CDH18: variants seen among roughly 807,000 people sequenced by gnomAD.
CDH18 encodes the protein cadherin 18.
Under a neutral mutation model 67.9 loss-of-function variants are expected in CDH18, and 31 were observed. That is an observed-to-expected ratio of 0.46 (90% CI 0.34 to 0.62). The LOEUF (loss-of-function observed/expected upper bound fraction) is 0.62, where lower values mean the gene tolerates loss of function less well. Ranked by LOEUF, CDH18 falls within the 20% of genes least tolerant of loss-of-function variation. The pLI is 0.01. For missense variants in CDH18, 890 were observed against 975.5 expected, an observed-to-expected ratio of 0.91 and a Z score of 1.17; for synonymous variants, 362 against 347.2, an observed-to-expected ratio of 1.04 and a Z score of -0.48.
intron 3 of CDH18, among the ~76,000 whole-genome samples, chr5:19,778,052 T>C (rs909910405): frequency 2.0e-5 from 3 of 152,146 alleles, no homozygotes; most frequent in Non-Finnish European, 4.4e-5. Flanking sequence ...AAAGATAACC[T>C]GAATAGCCCT....
chr5:20,267,074 T>C (rs1745097950), intron 1 of CDH18, among the ~76,000 whole-genome samples: 2 of 152,164 alleles, frequency 1.3e-5, no homozygotes, highest in Non-Finnish European at 2.9e-5. Context: ...AGACAATAAA[T>C]AAGGCAGTAT....
At chr5:20,461,647 G>T (rs1273831915) in intron 1 of CDH18, among the ~76,000 whole-genome samples, 3 of 151,934 alleles carry the variant, frequency 2.0e-5, no homozygotes, top group Admixed American at 2.0e-4. Flanking sequence ...TTACTTTGGG[G>T]CAAGAGGAAG....
chr5:19,969,438 C>G (rs1391871708), intron 2 of CDH18, among the ~76,000 whole-genome samples: 1 of 150,448 alleles, frequency 6.6e-6, no homozygotes. Flanking sequence ...AGACTTGGAA[C>G]CAACCCAAAT....
chr5:20,092,414 G>A (rs1745523134), intron 2 of CDH18, among the ~76,000 whole-genome samples: 1 of 152,042 alleles, frequency 6.6e-6, no homozygotes, highest in Non-Finnish European at 1.5e-5. Context: ...GTCCCGACAG[G>A]TTAGCTGAAA....
chr5:20,417,664 A>C (rs1005372664), intron 1 of CDH18, among the ~76,000 whole-genome samples: 1 of 152,188 alleles, frequency 6.6e-6, no homozygotes, highest in Non-Finnish European at 1.5e-5. Context: ...AATTGAAGAC[A>C]GTTAGAGAAG....
At chr5:20,030,728 A>C (rs1355410354) in intron 2 of CDH18, among the ~76,000 whole-genome samples, 2 of 152,206 alleles carry the variant, frequency 1.3e-5, no homozygotes, top group African/African-American at 4.8e-5. Flanking sequence ...ATCCCAATGA[A>C]GGTTGTATAA....
At chr5:20,412,230 C>T (rs1446969818) in intron 1 of CDH18, among the ~76,000 whole-genome samples, 5 of 152,130 alleles carry the variant, frequency 3.3e-5, no homozygotes, top group African/African-American at 9.7e-5. Context: ...CTACAACCAA[C>T]GGATCTTTGA....
chr5:20,271,765 A>T (rs1745450799), intron 1 of CDH18, among the ~76,000 whole-genome samples: 1 of 152,034 alleles, frequency 6.6e-6, no homozygotes, highest in Non-Finnish European at 1.5e-5. Flanking sequence ...CAGCCATGAC[A>T]ACTGTGAGAA....
chr5:20,331,761 T>G (rs570476243), intron 1 of CDH18, among the ~76,000 whole-genome samples: 1 of 152,268 alleles, frequency 6.6e-6, no homozygotes, highest in South Asian at 2.1e-4. Context: ...GTGGAATATA[T>G]CTGGTATTCT....
At position 20,457,070 on chromosome 5, in the gene CDH18, C is replaced by T. The variant is rs1334583326; in HGVS notation, c.-580+118392G>A. ...CTGTTTTAAGAGACAGAGAACAAGA[C>T]TACTTTTACGTGCAAGCAGATTTCA... On this transcript the variant is annotated intron_variant, in intron 1 of 14. Coordinates refer to the CDH18 transcript ENST00000507958. Among the ~76,000 whole-genome samples, 9 of 152,138 alleles carry T rather than the reference C, an allele frequency of 5.9e-5. No homozygotes were observed. The East Asian group carries it at 1.7e-3, about 29-fold the overall frequency.
chr5:19,925,805 G>A (rs948865123), intron 2 of CDH18, among the ~76,000 whole-genome samples: 3 of 152,090 alleles, frequency 2.0e-5, no homozygotes, highest in Non-Finnish European at 4.4e-5. Context: ...TAAGCCACAG[G>A]AAGTGGCTCT....
chr5:20,079,227 C>A (rs1744231038), intron 2 of CDH18, among the ~76,000 whole-genome samples: 1 of 152,118 alleles, frequency 6.6e-6, no homozygotes, highest in Non-Finnish European at 1.5e-5. Flanking sequence ...TCCAACCCCA[C>A]ACTGCAGCCC....
At chr5:19,480,384 T>TTTA (rs1554022267) in intron 12 of CDH18, among the ~76,000 whole-genome samples, 3,439 of 150,078 alleles carry the variant, frequency 0.023, 157 homozygotes, top group African/African-American at 0.08. Context: ...TATTTATTTA[T>TTTA]TTATTTATTT....
intron 1 of CDH18, among the ~76,000 whole-genome samples, chr5:20,407,724 T>A (rs1746411614): frequency 5.3e-5 from 2 of 37,814 alleles, no homozygotes; most frequent in Non-Finnish European, 8.6e-5. Context: ...AAAAAATAAT[T>A]TTTTTTTTTA....
chr5:19,640,496 T>A (rs887552513), intron 5 of CDH18, among the ~76,000 whole-genome samples: 1 of 151,974 alleles, frequency 6.6e-6, no homozygotes, highest in Admixed American at 6.6e-5. Context: ...TAAGCCACTA[T>A]AAGAAATCAT....
rs1471736273 is a variant in CDH18, at chr5:19,715,321, A to AT, written c.643+6025dup. 3.3e-5 allele frequency among the ~76,000 whole-genome samples: 5 copies of AT among 152,286 alleles called. 1 individual carries two copies. In the East Asian group the frequency reaches 9.7e-4, roughly 29 times the overall value. ...TTTTCAATTATATCCTACGAAATTC[A>AT]TTGAGGTCTTTAACTGAGTTCATTT... On this transcript the variant is annotated intron_variant, in intron 5 of 12. Transcript: ENST00000382275.
At chr5:20,489,023 G>T (rs183624782) in intron 1 of CDH18, among the ~76,000 whole-genome samples, 172 of 152,032 alleles carry the variant, frequency 1.1e-3, no homozygotes, top group African/African-American at 3.9e-3. Context: ...AGTTAAGATG[G>T]AAGCAGCTTC....
Position 20,265,437 on chromosome 5 carries a change from T to A in CDH18, c.-579-9932A>T, listed in dbSNP as rs747924107. The stretch of plus-strand genomic sequence containing the variant: ...ACAGTTTTGTAATTATCTGGATGTA[T>A]ACTATTTCTGCTTGACAAAAGAAAC... On this transcript the variant is annotated intron_variant, in intron 1 of 14. Coordinates refer to the CDH18 transcript ENST00000507958. 1.0e-3 allele frequency among the ~76,000 whole-genome samples: 156 copies of A among 152,180 alleles called. 2 individuals are homozygous for A. Among genetic ancestry groups the A allele is most frequent in the Admixed American group, 1.8e-3 (28 of 15,274 alleles).
At chr5:20,305,122 A>G in intron 1 of CDH18, 5 of 1,526,068 alleles carry the variant, frequency 3.3e-6, no homozygotes, top group Non-Finnish European at 4.5e-6. Flanking sequence ...ACCAAAGGCT[A>G]CCTTGGGCTC....
Sources: gnomAD v4.1 joint callset for allele counts (sites outside exome capture counted in the v4.1 genomes callset) on GRCh38, gnomAD v4.1.1 for gene constraint, MANE v1.5 for transcripts, NCBI Gene and HGNC (gene_info 2026-07-23, HGNC 2026-07-21) for gene names.